CLYBL: variants seen among roughly 807,000 people sequenced by gnomAD.
CLYBL encodes the protein citramalyl-CoA lyase, mitochondrial.
In CLYBL, 31 loss-of-function variants were observed where a neutral mutation model predicts 38.9. The ratio of observed to expected loss-of-function variants is 0.80; its 90% CI spans 0.60 to 1.08. The LOEUF (loss-of-function observed/expected upper bound fraction) is 1.08. CLYBL is among the 50% of genes least tolerant of loss of function. CLYBL has a pLI of 0.00. For synonymous variants in CLYBL, 171 were observed against 158.6 expected (o/e 1.08, Z -0.59); for missense variants, 434 against 411.6 (o/e 1.05, Z -0.47).
At chr13:99,890,307 A>C (rs2052456720) in intron 7 of CLYBL, among the ~76,000 whole-genome samples, 1 of 152,086 alleles carries the variant, frequency 6.6e-6, no homozygotes, top group Non-Finnish European at 1.5e-5. Context: ...TCCTCATCTA[A>C]AACAGGGCTT....
chr13:99,907,604 T>C (rs377394973), intron 9 of CLYBL, among the ~76,000 whole-genome samples: 1 of 152,184 alleles, frequency 6.6e-6, no homozygotes, highest in East Asian at 1.9e-4. Flanking sequence ...ACACCTGTAA[T>C]CCCAGAGACT....
intron 1 of CLYBL, among the ~76,000 whole-genome samples, chr13:99,750,735 T>TA (rs11375965): frequency 0.39 from 59,116 of 149,736 alleles, 12,608 homozygotes; most frequent in East Asian, 0.62. Flanking sequence ...CCTCTTTTTT[T>TA]AAAAAAAAAA....
intron 2 of CLYBL, among the ~76,000 whole-genome samples, chr13:99,807,509 A>G (rs1013442120): frequency 6.6e-6 from 1 of 152,204 alleles, no homozygotes; most frequent in Non-Finnish European, 1.5e-5. Context: ...ATCTTCTGAT[A>G]CATGCTACAA....
At chr13:99,704,697 G>A (rs2048119630) in intron 1 of CLYBL, among the ~76,000 whole-genome samples, 1 of 152,174 alleles carries the variant, frequency 6.6e-6, no homozygotes, top group African/African-American at 2.4e-5. Context: ...TTGACAGTCA[G>A]CATTCAATAA....
chr13:99,688,575 T>C (rs563393068), intron 1 of CLYBL, among the ~76,000 whole-genome samples: 1 of 152,258 alleles, frequency 6.6e-6, no homozygotes, highest in South Asian at 2.1e-4. Flanking sequence ...ATATTACTTA[T>C]TTGGCTTTTC....
At chr13:99,906,672 C>T (rs2052701618) in intron 9 of CLYBL, among the ~76,000 whole-genome samples, 1 of 152,140 alleles carries the variant, frequency 6.6e-6, no homozygotes, top group South Asian at 2.1e-4. Context: ...GATCCACCCT[C>T]CTCAGCCTCC....
intron 2 of CLYBL, among the ~76,000 whole-genome samples, chr13:99,850,558 C>G (rs1437326347): frequency 6.6e-6 from 1 of 152,160 alleles, no homozygotes; most frequent in Non-Finnish European, 1.5e-5. Flanking sequence ...AAATATGAAT[C>G]CTGGTGCATT....
At chr13:99,769,443 C>G (rs2049336295) in intron 1 of CLYBL, among the ~76,000 whole-genome samples, 2 of 152,194 alleles carry the variant, frequency 1.3e-5, no homozygotes, top group Non-Finnish European at 2.9e-5. Context: ...TGTGTGGTTA[C>G]ATTAAATCCT....
chr13:99,790,713 C>G (rs2049897187), intron 2 of CLYBL, among the ~76,000 whole-genome samples: 1 of 152,210 alleles, frequency 6.6e-6, no homozygotes, highest in Non-Finnish European at 1.5e-5. Context: ...TTGGAGAAGT[C>G]TCTCCCTGAA....
chr13:99,855,593 CAG>C (rs2051440794), intron 2 of CLYBL, among the ~76,000 whole-genome samples: 1 of 152,066 alleles, frequency 6.6e-6, no homozygotes, highest in Non-Finnish European at 1.5e-5. Context: ...GTGTGTGTGG[CAG>C]AGAGAGGGAA....
At chr13:99,708,587 T>G (rs1381698317) in intron 1 of CLYBL, among the ~76,000 whole-genome samples, 1 of 152,202 alleles carries the variant, frequency 6.6e-6, no homozygotes, top group Non-Finnish European at 1.5e-5. Context: ...GCCTCATTTC[T>G]TCATTTATAA....
intron 1 of CLYBL, among the ~76,000 whole-genome samples, chr13:99,745,886 T>C (rs527520708): frequency 0.016 from 410 of 25,006 alleles, 5 homozygotes; most frequent in Non-Finnish European, 0.028. Flanking sequence ...TGTGGCTAAA[T>C]AGAAAAAAAA....
intron 1 of CLYBL, among the ~76,000 whole-genome samples, chr13:99,668,165 G>A (rs1488954006): frequency 6.6e-6 from 1 of 152,018 alleles, no homozygotes; most frequent in Non-Finnish European, 1.5e-5. Flanking sequence ...TCCCAGCTAC[G>A]TGGGAGGCTG....
intron 1 of CLYBL, among the ~76,000 whole-genome samples, chr13:99,634,158 A>G (rs2046987652): frequency 3.9e-5 from 6 of 152,234 alleles, no homozygotes; most frequent in Admixed American, 3.9e-4. Context: ...GAACAATAAT[A>G]TAACTAACAG....
intron 2 of CLYBL, among the ~76,000 whole-genome samples, chr13:99,855,667 G>A (rs1158650993): frequency 1.3e-5 from 2 of 151,218 alleles, no homozygotes; most frequent in Admixed American, 6.6e-5. Context: ...TGACTCTCTC[G>A]AACTGAACAC....
At chr13:99,682,125 A>T (rs879629760) in intron 1 of CLYBL, among the ~76,000 whole-genome samples, 4 of 151,934 alleles carry the variant, frequency 2.6e-5, no homozygotes, top group Non-Finnish European at 5.9e-5. Flanking sequence ...ATTGTAACAC[A>T]GTGGTAAGGA....
At chr13:99,803,702 T>G (rs950124168) in intron 2 of CLYBL, among the ~76,000 whole-genome samples, 3 of 152,208 alleles carry the variant, frequency 2.0e-5, no homozygotes, top group African/African-American at 7.2e-5. Flanking sequence ...TCTTTTCCAT[T>G]TAGGAGATGG....
At chr13:99,884,033 G>C (rs963257529) in intron 7 of CLYBL, among the ~76,000 whole-genome samples, 5 of 152,170 alleles carry the variant, frequency 3.3e-5, no homozygotes, top group African/African-American at 1.2e-4. Flanking sequence ...GTCTCACTCT[G>C]TCACCCAGGC....
chr13:99,659,241 CGTGT>C (rs72399404), intron 1 of CLYBL, among the ~76,000 whole-genome samples: 42 of 151,284 alleles, frequency 2.8e-4, no homozygotes, highest in African/African-American at 6.6e-4. Context: ...TATATATATG[CGTGT>C]GTGTGTGTAT....
Sources: gnomAD v4.1 joint callset for allele counts (sites outside exome capture counted in the v4.1 genomes callset) on GRCh38, gnomAD v4.1.1 for gene constraint, MANE v1.5 for transcripts, NCBI Gene and HGNC (gene_info 2026-07-23, HGNC 2026-07-21) for gene names.